The following GATAD1 variants were observed in gnomAD, a reference collection of about 807,000 sequenced individuals.
GATAD1 encodes the protein GATA zinc finger domain containing 1.
In GATAD1, 12 loss-of-function variants were observed where a neutral mutation model predicts 26.5. The observed-to-expected ratio is 0.45, with a 90% CI of 0.29 to 0.73. The LOEUF is 0.73. Ranked by LOEUF, GATAD1 falls within the 30% of genes least tolerant of loss-of-function variation. The probability of loss-of-function intolerance (pLI) is 0.10; values close to 1 mark genes in which losing one functional copy is unlikely to be tolerated. For missense variants in GATAD1, 266 were observed against 342.1 expected (o/e 0.78, Z 1.75); for synonymous variants, 129 against 133.1 (o/e 0.97, Z 0.21).
At chr7:92,493,056 A>G in the GATAD1 span, 2 of 1,612,108 alleles carry the variant, frequency 1.2e-6, no homozygotes, top group South Asian at 1.1e-5. Flanking sequence ...TACTGATGCT[A>G]CATGCTGAAG....
At chr7:92,491,598 A>C in the GATAD1 span, 1 of 761,334 alleles carries the variant, frequency 1.3e-6, no homozygotes, top group East Asian at 2.5e-5. Flanking sequence ...AGAGCAATAC[A>C]AGAAACTTAG....
Position 92,448,911 on chromosome 7 carries a change from A to G in GATAD1, c.375+34A>G, listed in dbSNP as rs769949719. The G allele has an allele frequency of 5.0e-6, 8 of 1,594,244 alleles. No homozygotes were observed. In the East Asian group the frequency reaches 1.3e-4, roughly 27 times the overall value. The stretch of plus-strand genomic sequence containing the variant: ...TTTGTGGACAGTGCCTTTTACTGTA[A>G]TGACGTTGTGTGTATCCTGCCACTG... On this transcript the variant is annotated intron_variant, in intron 2 of 4. Transcript: ENST00000287957.
the GATAD1 span, among the ~76,000 whole-genome samples, chr7:92,465,775 G>C: frequency 1.3e-5 from 2 of 151,794 alleles, no homozygotes; most frequent in South Asian, 4.2e-4. Flanking sequence ...GCCAGGTTGG[G>C]GGATCACCTG....
chr7:92,467,491 G>T, the GATAD1 span, among the ~76,000 whole-genome samples: 1 of 152,164 alleles, frequency 6.6e-6, no homozygotes, highest in African/African-American at 2.4e-5. Flanking sequence ...CCTAAATTTG[G>T]AAGAGGAAGG....
chr7:92,479,036 C>A, the GATAD1 span, among the ~76,000 whole-genome samples: 1 of 152,204 alleles, frequency 6.6e-6, no homozygotes, highest in East Asian at 1.9e-4. Flanking sequence ...CTCCTCCAGC[C>A]TCCCAGTATA....
chr7:92,477,983 G>A, the GATAD1 span: 3 of 152,376 alleles, frequency 2.0e-5, no homozygotes, highest in South Asian at 2.1e-4. Context: ...TATCCCGATT[G>A]TTGTCCCTCC....
At chr7:92,489,218 A>G in the GATAD1 span, 1 of 1,270,716 alleles carries the variant, frequency 7.9e-7, no homozygotes, top group Admixed American at 1.7e-5. Context: ...TTAAACACGA[A>G]CTTTAAAGGT....
At chr7:92,468,753 C>A in the GATAD1 span, 1 of 704,790 alleles carries the variant, frequency 1.4e-6, no homozygotes, top group Non-Finnish European at 2.6e-6. Flanking sequence ...GGGAGGTTGG[C>A]CGACGACCGC....
At chr7:92,492,013 C>T in the GATAD1 span, among the ~76,000 whole-genome samples, 1 of 152,116 alleles carries the variant, frequency 6.6e-6, no homozygotes, top group Non-Finnish European at 1.5e-5. Context: ...TAGAATAATC[C>T]TTCCTAGAAA....
chr7:92,476,953 G>T, the GATAD1 span, among the ~76,000 whole-genome samples: 2 of 152,196 alleles, frequency 1.3e-5, no homozygotes, highest in South Asian at 4.1e-4. Context: ...GGGATCAGAG[G>T]AAGTATATTC....
chr7:92,450,660 T>TA, intron 2 of GATAD1, 41 bp from the exon 3 acceptor site: 1 of 1,393,448 alleles, frequency 7.2e-7, no homozygotes, highest in Non-Finnish European at 1.0e-6. Context: ...TGTAGACACA[T>TA]ACATACTATG....
At chr7:92,475,741 C>T in the GATAD1 span, among the ~76,000 whole-genome samples, 26 of 152,236 alleles carry the variant, frequency 1.7e-4, no homozygotes, top group Admixed American at 6.5e-4. Flanking sequence ...CCAACATTGC[C>T]TTTGCGCTCA....
At chr7:92,494,574 G>A in the GATAD1 span, 1 of 1,613,926 alleles carries the variant, frequency 6.2e-7, no homozygotes, top group Middle Eastern at 1.7e-4. Flanking sequence ...CCCCGCCGAG[G>A]AGCAATGGAT....
At position 92,447,723 on chromosome 7, in the gene GATAD1, G is replaced by A; in HGVS notation, c.-7G>A. The stretch of plus-strand genomic sequence containing the variant: ...TGCGCCCGCGGGGGCCGCCCGAGCC[G>A]GCCACCATGCCGCTGGGCCTGAAGC... On this transcript the variant is annotated 5_prime_UTR_variant, in exon 1 of 5. Transcript: ENST00000287957. 1 of 1,463,170 alleles carries A rather than the reference G, an allele frequency of 6.8e-7. No homozygotes were observed. The highest frequency in any genetic ancestry group is 2.7e-5 in the Admixed American group (1 of 36,670). The allele number at this position is 1,463,170 out of a possible 1,614,324, so 90.6% of individuals were successfully genotyped here. A position where few individuals can be genotyped will look rare whatever the true frequency, so the allele number is the denominator to read the frequency against.
At chr7:92,489,700 G>A in the GATAD1 span, 33 of 1,606,362 alleles carry the variant, frequency 2.1e-5, no homozygotes, top group Non-Finnish European at 2.7e-5. Context: ...ATAATGAGGG[G>A]GAAAAAGCCA....
chr7:92,495,495 C>T, the GATAD1 span, among the ~76,000 whole-genome samples: 1 of 152,126 alleles, frequency 6.6e-6, no homozygotes, highest in Non-Finnish European at 1.5e-5. Context: ...TCAATTTTTA[C>T]TAAGTTACAG....
chr7:92,483,545 T>G, the GATAD1 span, among the ~76,000 whole-genome samples: 2 of 152,292 alleles, frequency 1.3e-5, no homozygotes, highest in Non-Finnish European at 2.9e-5. Flanking sequence ...GACGGCCTTC[T>G]GACCCTTCAG....
the GATAD1 span, among the ~76,000 whole-genome samples, chr7:92,486,526 G>A: frequency 6.6e-6 from 1 of 152,160 alleles, no homozygotes; most frequent in Non-Finnish European, 1.5e-5. Flanking sequence ...TTTAATACTA[G>A]TGATCCACTA....
At chr7:92,460,444 C>T (rs995606865), downstream of GATAD1, among the ~76,000 whole-genome samples, 3 of 152,100 alleles carry the variant, frequency 2.0e-5, no homozygotes, top group African/African-American at 7.2e-5. Flanking sequence ...ACCCAAATGA[C>T]CCACAAGAGG....
Sources: gnomAD v4.1 joint callset for allele counts (sites outside exome capture counted in the v4.1 genomes callset) on GRCh38, gnomAD v4.1.1 for gene constraint, MANE v1.5 for transcripts, NCBI Gene and HGNC (gene_info 2026-07-23, HGNC 2026-07-21) for gene names.